GALNT13: variants seen among roughly 807,000 people sequenced by gnomAD.
The protein encoded by GALNT13 is polypeptide N-acetylgalactosaminyltransferase 13.
Under a neutral mutation model 64.2 loss-of-function variants are expected in GALNT13, and 28 were observed. The observed-to-expected ratio is 0.44, with a 90% CI of 0.32 to 0.60. The LOEUF is 0.60. GALNT13 is among the 20% of genes least tolerant of loss of function. The pLI, the probability that GALNT13 is intolerant of heterozygous loss-of-function variation, is 0.05. For missense variants in GALNT13, 577 were observed against 669.8 expected (o/e 0.86, Z 1.53); for synonymous variants, 214 against 224.6 (o/e 0.95, Z 0.42).
At chr2:153,918,414 C>T (rs577883206) in intron 2 of GALNT13, among the ~76,000 whole-genome samples, 11 of 152,176 alleles carry the variant, frequency 7.2e-5, no homozygotes, top group African/African-American at 1.7e-4. Flanking sequence ...TTTTCTAGAG[C>T]GGTATCTTCC....
At chr2:153,969,121 A>G (rs1021050512) in intron 3 of GALNT13, among the ~76,000 whole-genome samples, 1 of 152,046 alleles carries the variant, frequency 6.6e-6, no homozygotes, top group Non-Finnish European at 1.5e-5. Flanking sequence ...ACGTGTAGAA[A>G]ATCTTTATGT....
intron 8 of GALNT13, among the ~76,000 whole-genome samples, chr2:154,292,784 C>T (rs1235632594): frequency 2.6e-5 from 4 of 152,156 alleles, no homozygotes; most frequent in Non-Finnish European, 5.9e-5. Context: ...CAAGCAGCTG[C>T]ATGAATTTGG....
intron 3 of GALNT13, among the ~76,000 whole-genome samples, chr2:154,112,082 A>G (rs1342787655): frequency 2.0e-5 from 3 of 152,220 alleles, no homozygotes. Flanking sequence ...TATTCTAGTG[A>G]GGACAAACCT....
chr2:153,121,778 C>T, the GALNT13 span, among the ~76,000 whole-genome samples: 1 of 152,098 alleles, frequency 6.6e-6, no homozygotes, highest in Non-Finnish European at 1.5e-5. Flanking sequence ...AGGTGATCCA[C>T]CTGACTAAAC....
chr2:154,239,288 A>C (rs948267020), intron 4 of GALNT13, among the ~76,000 whole-genome samples: 2 of 152,136 alleles, frequency 1.3e-5, no homozygotes. Flanking sequence ...TAACATACAA[A>C]AAATGTTGAT....
chr2:154,336,967 C>G (rs2105211659), intron 9 of GALNT13, among the ~76,000 whole-genome samples: 1 of 152,040 alleles, frequency 6.6e-6, no homozygotes, highest in Non-Finnish European at 1.5e-5. Context: ...TTATTATAAT[C>G]AGAGTAACTT....
chr2:153,440,067 A>G, the GALNT13 span, among the ~76,000 whole-genome samples: 1 of 152,246 alleles, frequency 6.6e-6, no homozygotes, highest in Non-Finnish European at 1.5e-5. Flanking sequence ...CCCGTCATCT[A>G]CATAGGTATT....
chr2:153,541,709 A>G, the GALNT13 span, among the ~76,000 whole-genome samples: 1 of 152,214 alleles, frequency 6.6e-6, no homozygotes, highest in East Asian at 1.9e-4. Context: ...CTTAGAGAAA[A>G]CAGGAAGAAT....
At chr2:154,027,604 G>A (rs151255481) in intron 3 of GALNT13, among the ~76,000 whole-genome samples, 147 of 152,168 alleles carry the variant, frequency 9.7e-4, no homozygotes, top group Non-Finnish European at 1.6e-3. Context: ...AACTGTTTAA[G>A]CATGACCTTT....
At chr2:154,301,002 C>G (rs1053078423) in intron 8 of GALNT13, among the ~76,000 whole-genome samples, 5 of 152,058 alleles carry the variant, frequency 3.3e-5, no homozygotes, top group African/African-American at 1.2e-4. Flanking sequence ...AATGAATGAT[C>G]GTTTATAATT....
the GALNT13 span, among the ~76,000 whole-genome samples, chr2:153,625,560 C>A: frequency 2.0e-5 from 3 of 152,072 alleles, no homozygotes; most frequent in Non-Finnish European, 2.9e-5. Flanking sequence ...CTGCTTACCA[C>A]AAAGTAGGCA....
At chr2:154,258,285 C>T (rs1007303316) in intron 7 of GALNT13, among the ~76,000 whole-genome samples, 13 of 152,088 alleles carry the variant, frequency 8.5e-5, no homozygotes, top group African/African-American at 3.1e-4. Context: ...TCTCAGCTCC[C>T]ATGGAGGAAT....
intron 4 of GALNT13, among the ~76,000 whole-genome samples, chr2:154,229,240 T>C (rs934702093): frequency 2.0e-5 from 3 of 152,160 alleles, no homozygotes; most frequent in Non-Finnish European, 4.4e-5. Flanking sequence ...AGAGCTTCAA[T>C]TGACAATTTG....
chr2:154,011,976 T>C (rs1696670059), intron 3 of GALNT13, among the ~76,000 whole-genome samples: 1 of 152,198 alleles, frequency 6.6e-6, no homozygotes, highest in Non-Finnish European at 1.5e-5. Context: ...GATAGGTCTC[T>C]TTAAGACAGT....
the GALNT13 span, among the ~76,000 whole-genome samples, chr2:153,072,677 C>T: frequency 3.0e-4 from 45 of 152,138 alleles, no homozygotes; most frequent in Non-Finnish European, 5.0e-4. Flanking sequence ...CCAATTTAAC[C>T]TCTCATTATT....
intron 2 of GALNT13, among the ~76,000 whole-genome samples, chr2:153,918,210 G>A (rs1689522395): frequency 1.3e-5 from 2 of 152,028 alleles, no homozygotes; most frequent in African/African-American, 4.8e-5. Flanking sequence ...GAAAAATTGG[G>A]AATACAAAGT....
the GALNT13 span, among the ~76,000 whole-genome samples, chr2:153,520,017 C>T: frequency 6.6e-6 from 1 of 152,080 alleles, no homozygotes; most frequent in Non-Finnish European, 1.5e-5. Flanking sequence ...CATCTTTAAT[C>T]TCTCTCCCTG....
chr2:154,032,190 GA>G (rs572506009), intron 3 of GALNT13, among the ~76,000 whole-genome samples: 219 of 151,694 alleles, frequency 1.4e-3, no homozygotes, highest in African/African-American at 4.9e-3. Context: ...GCTGGTATTT[GA>G]AAAAAGGCAT....
the GALNT13 span, among the ~76,000 whole-genome samples, chr2:153,628,543 T>A: frequency 6.6e-6 from 1 of 151,588 alleles, no homozygotes; most frequent in Non-Finnish European, 1.5e-5. Context: ...TTATTGAGAG[T>A]TTTTAGCATG....
Sources: gnomAD v4.1 joint callset for allele counts (sites outside exome capture counted in the v4.1 genomes callset) on GRCh38, gnomAD v4.1.1 for gene constraint, MANE v1.5 for transcripts, NCBI Gene and HGNC (gene_info 2026-07-23, HGNC 2026-07-21) for gene names.